The following CNGB3 variants were observed in gnomAD, a reference collection of about 807,000 sequenced individuals.
The protein encoded by CNGB3 is cyclic nucleotide-gated channel beta-3.
In CNGB3, 86 loss-of-function variants were observed where a neutral mutation model predicts 92.8. The ratio of observed to expected loss-of-function variants is 0.93; its 90% confidence interval spans 0.78 to 1.11. The LOEUF is 1.11. Ranked by LOEUF, CNGB3 falls within the 50% of genes least tolerant of loss-of-function variation. CNGB3 has a pLI of 0.00. For synonymous variants in CNGB3, 333 were observed against 332.7 expected (o/e 1.00, Z -0.01); for missense variants, 1,026 against 956.8 (o/e 1.07, Z -0.95).
intron 3 of CNGB3, among the ~76,000 whole-genome samples, chr8:86,711,066 T>C (rs1824740008): frequency 6.6e-6 from 1 of 152,190 alleles, no homozygotes; most frequent in African/African-American, 2.4e-5. Flanking sequence ...TTGCAAAATA[T>C]GTACTTCTAG....
chr8:86,652,666 C>T (rs954564095), intron 7 of CNGB3, among the ~76,000 whole-genome samples: 8 of 151,962 alleles, frequency 5.3e-5, no homozygotes, highest in African/African-American at 1.9e-4. Context: ...TCAGGATCAT[C>T]AATATCACTG....
intron 6 of CNGB3, chr8:86,659,388 A>G: frequency 1.3e-6 from 1 of 786,090 alleles, no homozygotes; most frequent in South Asian, 1.4e-5. Flanking sequence ...CTATTGAAGC[A>G]GGAGCTTGGC....
At chr8:86,723,547 C>T (rs1825009635) in intron 3 of CNGB3, among the ~76,000 whole-genome samples, 1 of 151,884 alleles carries the variant, frequency 6.6e-6, no homozygotes, top group African/African-American at 2.4e-5. Flanking sequence ...AAACTCTGTC[C>T]CTAGGATTCT....
At position 86,632,745 on chromosome 8, in the gene CNGB3, A is replaced by C; in HGVS notation, c.1320+7T>G. 1 of 1,613,080 alleles carries C rather than the reference A, an allele frequency of 6.2e-7. No individual in the cohort carries two copies. On this transcript the variant is annotated splice_region_variant and intron_variant, in intron 11 of 17. Transcript: ENST00000320005. The stretch of plus-strand genomic sequence containing the variant: ...ACTGTGTATCCAGTGATTCATACTC[A>C]GCTTACCTGACCAATTAAACTGGAG...
At chr8:86,591,918 G>A (rs1189267874) in intron 15 of CNGB3, among the ~76,000 whole-genome samples, 1 of 152,246 alleles carries the variant, frequency 6.6e-6, no homozygotes, top group Non-Finnish European at 1.5e-5. Context: ...CCTGGGCAAT[G>A]GCGGGCGCCC....
At position 86,668,120 on chromosome 8, in the gene CNGB3, G is replaced by C. The variant is rs1823780157; in HGVS notation, c.542C>G (p.Thr181Arg). ...CCACAACAGCCTGTAGTAATGTTCT[G>C]TTGGCTTATCATCGCTTTCTTTTAC... The part of the protein sequence containing the change: ...PPVKESDDKP[T>R]EHYYRLLWFK... The change falls in exon 5 of 18, where the codon ACA becomes AGA. Residue 181 changes from threonine (T) to arginine (R), a missense_variant. Thr to Arg is a moderately conservative substitution (Grantham distance 71, BLOSUM62 -1). Coordinates refer to ENST00000320005, the MANE Select transcript of CNGB3 (RefSeq NM_019098.5). 1 of 1,613,306 alleles carries C rather than the reference G, an allele frequency of 6.2e-7. No homozygotes were observed. Among genetic ancestry groups the C allele is most frequent in the African/African-American group, 1.3e-5 (1 of 74,678 alleles).
intron 3 of CNGB3, among the ~76,000 whole-genome samples, chr8:86,688,739 T>C (rs1824238422): frequency 6.6e-6 from 1 of 151,980 alleles, no homozygotes; most frequent in Non-Finnish European, 1.5e-5. Context: ...GTTGATTTTG[T>C]TTATCTTTTT....
intron 3 of CNGB3, among the ~76,000 whole-genome samples, chr8:86,714,359 A>G (rs1247022097): frequency 6.6e-6 from 1 of 152,096 alleles, no homozygotes; most frequent in Non-Finnish European, 1.5e-5. Flanking sequence ...CAGTGGTGCA[A>G]TCTCAGCTCA....
At chr8:86,726,395 A>G (rs910378869) in intron 3 of CNGB3, 136 bp downstream of exon 3, 2 of 1,227,894 alleles carry the variant, frequency 1.6e-6, no homozygotes, top group African/African-American at 1.5e-5. Context: ...GTTCTGACAC[A>G]GTTTTTTTGT....
At chr8:86,711,365 C>T (rs1298110914) in intron 3 of CNGB3, among the ~76,000 whole-genome samples, 1 of 152,182 alleles carries the variant, frequency 6.6e-6, no homozygotes, top group Non-Finnish European at 1.5e-5. Flanking sequence ...ACCAACCAAT[C>T]AATCATCACA....
At position 86,578,711 on chromosome 8, in the gene CNGB3, A is replaced by C; in HGVS notation, c.2081T>G (p.Leu694Trp). ...GKASLARLLK[L>W]KREQAAQKKE... ...TACCTGAGCTGCTTGCTCTCGCTTC[A>C]ATTTGAGTAGTCTTGCAAGACTTGC... The change falls in exon 17 of 18, where the codon TTG becomes TGG. Residue 694 changes from leucine (L) to tryptophan (W), a missense_variant. Leu to Trp is a moderately conservative substitution (Grantham distance 61, BLOSUM62 -2). Transcript: ENST00000320005. The C allele has an allele frequency of 6.2e-7, 1 of 1,613,962 alleles. No homozygotes were observed. Among genetic ancestry groups the C allele is most frequent in the Non-Finnish European group, 8.5e-7 (1 of 1,179,994 alleles).
chr8:86,678,885 G>T (rs1023261202), intron 3 of CNGB3, among the ~76,000 whole-genome samples: 1 of 152,012 alleles, frequency 6.6e-6, no homozygotes, highest in Non-Finnish European at 1.5e-5. Flanking sequence ...ATTGGAAAAA[G>T]AATGAATAAA....
intron 6 of CNGB3, chr8:86,661,852 GA>G: frequency 7.7e-7 from 1 of 1,301,130 alleles, no homozygotes; most frequent in South Asian, 1.2e-5. Flanking sequence ...GGACGTTCCA[GA>G]ACTGATGTCA....
In CNGB3 at chr8:86,579,509, C is replaced by T. The variant is rs201066887; in HGVS notation, c.1782-257G>A. On this transcript the variant is annotated intron_variant, in intron 15 of 17. Coordinates refer to ENST00000320005, the MANE Select transcript of CNGB3 (RefSeq NM_019098.5). ...TGTGGCTGTCAGTATCCTGTCAGAT[C>T]CTTCATCCCAGATTCCAGAAATGCA... Among the ~76,000 whole-genome samples the T allele has an allele frequency of 4.4e-4, 67 of 152,224 alleles. No homozygotes were observed. In the East Asian group the frequency reaches 0.012, roughly 28 times the overall value.
chr8:86,660,750 G>T (rs535395991), intron 6 of CNGB3: 1 of 526,106 alleles, frequency 1.9e-6, no homozygotes, highest in East Asian at 5.5e-5. Flanking sequence ...GAGAGAACAG[G>T]TAACACCACT....
At chr8:86,645,637 AT>A (rs1335979297) in intron 8 of CNGB3, among the ~76,000 whole-genome samples, 1 of 151,346 alleles carries the variant, frequency 6.6e-6, no homozygotes, top group Non-Finnish European at 1.5e-5. Flanking sequence ...AACGTTTAGA[AT>A]TAAAAATAGT....
chr8:86,603,838 T>C (rs1329107957), intron 15 of CNGB3, among the ~76,000 whole-genome samples: 1 of 152,186 alleles, frequency 6.6e-6, no homozygotes, highest in Non-Finnish European at 1.5e-5. Context: ...TGCACATCCA[T>C]TCAACATATA....
intron 7 of CNGB3, among the ~76,000 whole-genome samples, chr8:86,650,251 C>T (rs1456319723): frequency 6.6e-6 from 1 of 151,318 alleles, no homozygotes; most frequent in African/African-American, 2.4e-5. Flanking sequence ...TTTTTACTTG[C>T]TTTCTATTCA....
intron 13 of CNGB3, among the ~76,000 whole-genome samples, chr8:86,617,693 T>C (rs991693446): frequency 2.6e-5 from 4 of 152,182 alleles, no homozygotes; most frequent in Non-Finnish European, 4.4e-5. Flanking sequence ...TCAAACTTTC[T>C]CTGAAAATTG....
Sources: allele counts gnomAD v4.1 joint callset (sites outside exome capture counted in the v4.1 genomes callset), GRCh38; gene constraint gnomAD v4.1.1; transcripts MANE v1.5; gene names NCBI Gene and HGNC (gene_info 2026-07-23, HGNC 2026-07-21).